MTA1: variants seen among roughly 807,000 people sequenced by gnomAD.
The protein encoded by MTA1 is metastasis-associated protein MTA1.
In MTA1, 15 loss-of-function variants were observed where a neutral mutation model predicts 97.0. The ratio of observed to expected loss-of-function variants is 0.15; its 90% CI spans 0.10 to 0.24. The LOEUF is 0.24. MTA1 is among the 10% of genes least tolerant of loss of function. The pLI is 1.00. For synonymous variants in MTA1, 435 were observed against 417.5 expected (o/e 1.04, Z -0.51); for missense variants, 709 against 1,015.1 (o/e 0.70, Z 4.10).
rs1555420557 is a variant in MTA1 at position 105,420,406 on chromosome 14, T to G, written c.28+343T>G. ...AGCCCCCAGCGGGAGCACGTGGCCT[T>G]GGGAGGCGCCGGCTGCCGGTCTGGG... On this transcript the variant is annotated intron_variant, in intron 1 of 20. Coordinates refer to ENST00000331320, the MANE Select transcript of MTA1 (RefSeq NM_004689.4). The surrounding 1 kb of genome is among the most constrained non-coding windows in gnomAD (Gnocchi z 5.3). Among the ~76,000 whole-genome samples the G allele has an allele frequency of 2.0e-5, 3 of 151,810 alleles. No homozygotes were observed. Among genetic ancestry groups the G allele is most frequent in the African/African-American group, 7.3e-5 (3 of 41,354 alleles).
chr14:105,423,970 A>G (rs1425484490), intron 1 of MTA1, among the ~76,000 whole-genome samples: 1 of 152,246 alleles, frequency 6.6e-6, no homozygotes, highest in Non-Finnish European at 1.5e-5. Flanking sequence ...CCAAGAAGGC[A>G]GGGAAGAGCC....
chr14:105,464,412 G>A lies in MTA1; in HGVS notation c.1193-4G>A, dbSNP rs782321676. The A allele has an allele frequency of 8.7e-6, 14 of 1,612,520 alleles. No homozygotes were observed. The highest frequency in any genetic ancestry group is 1.2e-5 in the Non-Finnish European group (14 of 1,179,242). ...CCGTCTATTTCCAACTTTGTTGTCC[G>A]TAGCCACACAGTCTTACCAGTGGTA... is the stretch of plus-strand genomic sequence containing the variant. On this transcript the variant is annotated splice_polypyrimidine_tract_variant and splice_region_variant and intron_variant, in intron 13 of 20. Coordinates refer to ENST00000331320, the MANE Select transcript of MTA1 (RefSeq NM_004689.4).
chr14:105,461,953 C>A (rs2083364231), intron 10 of MTA1, among the ~76,000 whole-genome samples: 1 of 152,208 alleles, frequency 6.6e-6, no homozygotes, highest in African/African-American at 2.4e-5. Flanking sequence ...AGGACGAGGG[C>A]TAGAAACAAA....
At chr14:105,454,446 G>C in intron 7 of MTA1, 136 bp downstream of exon 7, 1 of 659,692 alleles carries the variant, frequency 1.5e-6, no homozygotes, top group Non-Finnish European at 2.8e-6. Flanking sequence ...GTAGGCCTGG[G>C]CTCTGTCCAC....
At chr14:105,459,141 G>A (rs2083266018) in intron 8 of MTA1, among the ~76,000 whole-genome samples, 1 of 50,392 alleles carries the variant, frequency 2.0e-5, no homozygotes, top group African/African-American at 5.8e-5. Context: ...AGTCCGCGCT[G>A]CCCGTGGCCC....
intron 4 of MTA1, among the ~76,000 whole-genome samples, chr14:105,449,780 T>C (rs1397402143): frequency 6.6e-6 from 1 of 152,206 alleles, no homozygotes; most frequent in Non-Finnish European, 1.5e-5. Context: ...GACCTTGTTC[T>C]CCCTCCTCCT....
At chr14:105,465,316 C>T in intron 16 of MTA1, 133 bp downstream of exon 16, 2 of 721,154 alleles carry the variant, frequency 2.8e-6, no homozygotes, top group Non-Finnish European at 4.2e-6. Flanking sequence ...TGGAACTGTC[C>T]TTTTGGGGTA....
At chr14:105,465,014 G>T in intron 15 of MTA1, 80 bp from the exon 16 acceptor site, 1 of 1,432,406 alleles carries the variant, frequency 7.0e-7, no homozygotes, top group Non-Finnish European at 9.2e-7. Context: ...GCCCAGTGAG[G>T]GCTCCCAGGT....
chr14:105,439,048 G>A (rs1025049513), intron 2 of MTA1, among the ~76,000 whole-genome samples: 5 of 152,250 alleles, frequency 3.3e-5, no homozygotes, highest in Admixed American at 2.0e-4. Flanking sequence ...GAGCCCGAGC[G>A]GAATGGTGTG....
At chr14:105,449,117 G>T in intron 3 of MTA1, 1 of 501,020 alleles carries the variant, frequency 2.0e-6, no homozygotes, top group Middle Eastern at 5.2e-4. Context: ...GCCCTCCACA[G>T]CCAGGCTTGT....
rs782001772 is a variant in MTA1 at position 105,470,206 on chromosome 14, C to T, written c.2139C>T (p.Ile713=). ...CCGTCAACGACGAGCCCATCGTCAT[C>T]GAGGACTAGGGGCCGCCCCCACCTG... ...PAPVNDEPIV[I]ED is the part of the protein sequence containing the mutation. Residue 713 remains isoleucine, a synonymous_variant, in exon 21 of 21, where the codon ATC becomes ATT. Transcript: ENST00000331320. 10 of 1,595,556 alleles carry T rather than the reference C, an allele frequency of 6.3e-6. No homozygotes were observed. Among genetic ancestry groups the T allele is most frequent in the East Asian group, 4.5e-5 (2 of 44,158 alleles).
intron 3 of MTA1, 113 bp downstream of exon 3, chr14:105,445,624 T>C (rs1555426946): frequency 3.8e-6 from 4 of 1,040,644 alleles, no homozygotes; most frequent in African/African-American, 1.6e-5. Flanking sequence ...GGGGCCACCC[T>C]CTGCCCAACT....
In MTA1 at chr14:105,458,351, A is replaced by C; in HGVS notation, c.632A>C (p.Asp211Ala). 6.2e-7 allele frequency: 1 copy of C among 1,612,700 alleles called. No individual in the cohort carries two copies. Among genetic ancestry groups the C allele is most frequent in the Non-Finnish European group, 8.5e-7 (1 of 1,179,930 alleles). The change falls in exon 8 of 21, where the codon GAC (aspartate) becomes GCC (alanine). Residue 211 changes from aspartate to alanine, a missense_variant. Physicochemically the swap from Asp to Ala is moderately radical, Grantham distance 126 (BLOSUM62 -2). Transcript: ENST00000331320. ...AACCCACTCACAGACAAGCAGATCG[A>C]CCAGTTCCTGGTGGTGGCCCGGTGA... ...AHNPLTDKQIDQFLVVARSVG... is the reference protein window; with the variant it reads ...AHNPLTDKQIAQFLVVARSVG...
intron 1 of MTA1, among the ~76,000 whole-genome samples, chr14:105,423,581 A>T (rs1397332337): frequency 6.6e-6 from 1 of 152,168 alleles, no homozygotes; most frequent in Non-Finnish European, 1.5e-5. Context: ...CAAAAAAAAA[A>T]AATTTTAATG....
intron 16 of MTA1, 89 bp from the exon 17 acceptor site, chr14:105,466,337 C>T: frequency 2.4e-6 from 3 of 1,246,786 alleles, no homozygotes; most frequent in South Asian, 1.3e-5. Context: ...CTGGGGGTAT[C>T]CCGGAACCAT....
Position 105,460,804 on chromosome 14 carries a change from A to G in MTA1, c.793A>G (p.Ile265Val), listed in dbSNP as rs1415438402. The part of the protein sequence containing the change: ...MDTLHKNIYD[I>V]SKAISALVPQ... ...TACTCTCCACAAGAACATCTACGAC[A>G]TCTCCAAGGCCATCTCGGCGCTGGT... The change falls in exon 10 of 21, where the codon ATC (isoleucine) becomes GTC (valine). Residue 265 changes from isoleucine to valine, a missense_variant. This residue lies in a region of MTA1 where 321 missense variants were observed against 593.5 expected (regional missense o/e 0.54). Coordinates refer to ENST00000331320, the MANE Select transcript of MTA1 (RefSeq NM_004689.4). 5 of 1,607,228 alleles carry G rather than the reference A, an allele frequency of 3.1e-6. No homozygotes were observed. Among genetic ancestry groups the G allele is most frequent in the Non-Finnish European group, 4.2e-6 (5 of 1,177,148 alleles).
At position 105,419,891 on chromosome 14, in the gene MTA1, G is replaced by GGCGGCGGCGGCGGCGGCGGCA; in HGVS notation, c.-142_-122dup. ...GCGCGGCCTCGGCGGCCTCGGCGGC[G>GGCGGCGGCGGCGGCGGCGGCA]GCGGCGGCGGCGGCGGCGGCAGCAG... On this transcript the variant is annotated 5_prime_UTR_variant, in exon 1 of 21. Transcript: ENST00000331320. 4.8e-6 allele frequency: 1 copy of GGCGGCGGCGGCGGCGGCGGCA among 206,626 alleles called. No homozygotes were observed. The highest frequency in any genetic ancestry group is 6.8e-5 in the Admixed American group (1 of 14,628). The allele number at this position is 206,626 out of a possible 1,614,324, so 12.8% of individuals were successfully genotyped here. A position where few individuals can be genotyped will look rare whatever the true frequency, so the allele number is the denominator to read the frequency against.
intron 18 of MTA1, among the ~76,000 whole-genome samples, chr14:105,468,606 G>C (rs1555433478): frequency 1.3e-5 from 2 of 152,220 alleles, no homozygotes; most frequent in African/African-American, 4.8e-5. Context: ...GGCTGCTTCT[G>C]TTCCTTAAGG....
rs2081880396 is a variant in MTA1, at chr14:105,422,599, C to T, written c.28+2536C>T. Among the ~76,000 whole-genome samples the T allele has an allele frequency of 6.6e-6, 1 of 152,184 alleles. No homozygotes were observed. Among genetic ancestry groups the T allele is most frequent in the Non-Finnish European group, 1.5e-5 (1 of 68,028 alleles). ...CAGGCAAATTTGAGTTTCAGATAAACAGAAATTTATTAGTGTAAGTATGTC... is the reference window on the plus strand; with the variant it reads ...CAGGCAAATTTGAGTTTCAGATAAATAGAAATTTATTAGTGTAAGTATGTC... On this transcript the variant is annotated intron_variant, in intron 1 of 20. Coordinates refer to ENST00000331320, the MANE Select transcript of MTA1 (RefSeq NM_004689.4). The surrounding 1 kb of genome is among the most constrained non-coding windows in gnomAD (Gnocchi z 4.3).
Sources: gnomAD v4.1 joint callset for allele counts (sites outside exome capture counted in the v4.1 genomes callset) on GRCh38, gnomAD v4.1.1 for gene constraint, gnomAD v4.1.1 regional missense constraint, Gnocchi (gnomAD v3.1) non-coding constraint, MANE v1.5 for transcripts, NCBI Gene and HGNC (gene_info 2026-07-23, HGNC 2026-07-21) for gene names.